The following MTHFD1L variants were observed in gnomAD, a reference collection of about 807,000 sequenced individuals.
MTHFD1L encodes monofunctional C1-tetrahydrofolate synthase, mitochondrial.
Under a neutral mutation model 119.5 loss-of-function variants are expected in MTHFD1L, and 81 were observed. The observed-to-expected ratio is 0.68, with a 90% CI of 0.57 to 0.82. MTHFD1L has a LOEUF of 0.82. Ranked by LOEUF, MTHFD1L falls within the 40% of genes least tolerant of loss-of-function variation. The probability of loss-of-function intolerance (pLI) is 0.00; values close to 1 mark genes in which losing one functional copy is unlikely to be tolerated. For missense variants in MTHFD1L, 1,125 were observed against 1,253.4 expected (o/e 0.90, Z 1.55); for synonymous variants, 430 against 475.2 (o/e 0.90, Z 1.24).
chr6:151,032,104 G>C (rs1490550491), intron 24 of MTHFD1L, among the ~76,000 whole-genome samples: 1 of 152,086 alleles, frequency 6.6e-6, no homozygotes, highest in Non-Finnish European at 1.5e-5. Flanking sequence ...CTCTTTCTTT[G>C]TTCTTTTGGT....
chr6:151,088,862 CT>C (rs1467535644), intron 26 of MTHFD1L, among the ~76,000 whole-genome samples: 1 of 152,160 alleles, frequency 6.6e-6, no homozygotes, highest in Non-Finnish European at 1.5e-5. Flanking sequence ...CGCACAAATC[CT>C]GCATCGCCTT....
Position 150,865,742 on chromosome 6 carries a change from GCCGCCTGCTCCCCTGGCACGCGCC to G in MTHFD1L, c.-75_-52del, listed in dbSNP as rs1778183455. 5 of 1,157,608 alleles carry G rather than the reference GCCGCCTGCTCCCCTGGCACGCGCC, an allele frequency of 4.3e-6. No individual in the cohort carries two copies. The highest frequency in any genetic ancestry group is 3.7e-4 in the Middle Eastern group (1 of 2,730). 71.7% of individuals were successfully genotyped at this position (1,157,608 alleles called of 1,614,324 possible). A position where few individuals can be genotyped will look rare whatever the true frequency, so the allele number is the denominator to read the frequency against. The stretch of plus-strand genomic sequence containing the variant: ...CCTTCCCGCCGCCGCCGCCGCCGCC[GCCGCCTGCTCCCCTGGCACGCGCC>G]CCGCCGCCCTCGGCAGCCGCAGCTC... On this transcript the variant is annotated 5_prime_UTR_variant, in exon 1 of 28. Transcript: ENST00000367321.
chr6:151,029,708 A>T (rs576611045), intron 24 of MTHFD1L, among the ~76,000 whole-genome samples: 4 of 152,296 alleles, frequency 2.6e-5, no homozygotes, highest in Admixed American at 6.5e-5. Context: ...AGGCAGGAGA[A>T]TCACTTGAAC....
At chr6:151,007,451 A>G (rs1314967445) in intron 20 of MTHFD1L, among the ~76,000 whole-genome samples, 1 of 152,188 alleles carries the variant, frequency 6.6e-6, no homozygotes, top group Non-Finnish European at 1.5e-5. Flanking sequence ...TTTTGGTTAC[A>G]AAGATGTGAA....
At chr6:151,046,316 G>GA (rs1199610004) in intron 26 of MTHFD1L, among the ~76,000 whole-genome samples, 12 of 150,682 alleles carry the variant, frequency 8.0e-5, no homozygotes, top group Non-Finnish European at 1.2e-4. Context: ...GTCAAGGAGG[G>GA]AAAAAAAGAA....
At chr6:151,046,502 T>C (rs1317707226) in intron 26 of MTHFD1L, among the ~76,000 whole-genome samples, 9 of 117,220 alleles carry the variant, frequency 7.7e-5, no homozygotes, top group African/African-American at 2.4e-4. Context: ...TATATATATA[T>C]ATATATATAT....
In MTHFD1L at chr6:151,034,586, C is replaced by T. The variant is rs377525704; in HGVS notation, c.2680C>T (p.Arg894Cys). ...TCCTGAGGCACAAGCCAAAATAGAT[C>T]GTTACACTCAACAGGTAAAAGTTCT... is the stretch of plus-strand genomic sequence containing the variant. The part of the protein sequence containing the change: ...LSPEAQAKID[R>C]YTQQGFGNLP... Residue 894 changes from arginine (R) to cysteine (C), a missense_variant, in exon 25 of 28, where the codon CGT (arginine) becomes TGT (cysteine). Arg to Cys is a radical substitution (Grantham distance 180). Coordinates refer to ENST00000367321, the MANE Select transcript of MTHFD1L (RefSeq NM_015440.5). The T allele has an allele frequency of 5.2e-5, 83 of 1,608,244 alleles. No individual in the cohort carries two copies. Among genetic ancestry groups the T allele is most frequent in the Middle Eastern group, 2.3e-4 (1 of 4,440 alleles).
At chr6:150,961,014 G>A (rs1473653055) in intron 18 of MTHFD1L, among the ~76,000 whole-genome samples, 1 of 151,048 alleles carries the variant, frequency 6.6e-6, no homozygotes, top group Admixed American at 6.6e-5. Context: ...TCCTTTTTTA[G>A]TGCTTTTTCT....
In MTHFD1L at chr6:151,014,991, C is replaced by T. The variant is rs778695043; in HGVS notation, c.2408+11C>T. ...TCTGAATGTCTTCAAGTAAGTCCAG[C>T]CTCCTCCTTTAAATGTGGGCATTAT... is the stretch of plus-strand genomic sequence containing the variant. On this transcript the variant is annotated intron_variant, in intron 23 of 27. Transcript: ENST00000367321. The T allele has an allele frequency of 1.9e-6, 3 of 1,609,468 alleles. No individual in the cohort carries two copies. Among genetic ancestry groups the T allele is most frequent in the South Asian group, 1.1e-5 (1 of 90,838 alleles).
At chr6:150,994,916 G>A (rs530187880) in intron 20 of MTHFD1L, among the ~76,000 whole-genome samples, 13 of 152,280 alleles carry the variant, frequency 8.5e-5, no homozygotes, top group Non-Finnish European at 1.5e-4. Context: ...ACCTTTCTCC[G>A]AGATTTGCAA....
intron 26 of MTHFD1L, among the ~76,000 whole-genome samples, chr6:151,062,445 C>G (rs968361437): frequency 6.6e-6 from 1 of 151,996 alleles, no homozygotes; most frequent in Non-Finnish European, 1.5e-5. Flanking sequence ...AAAAAAAAGA[C>G]CTTTTGCTCC....
At chr6:151,065,656 A>G (rs568761005) in intron 26 of MTHFD1L, among the ~76,000 whole-genome samples, 4 of 152,346 alleles carry the variant, frequency 2.6e-5, no homozygotes, top group East Asian at 3.9e-4. Context: ...CTCTCCCACC[A>G]TCTGCACAGC....
At chr6:151,099,435 G>A (rs1293466744) in intron 27 of MTHFD1L, 15 of 867,304 alleles carry the variant, frequency 1.7e-5, no homozygotes, top group Middle Eastern at 2.9e-4. Flanking sequence ...GAGGCTGGCC[G>A]TGTCTCTGAA....
intron 7 of MTHFD1L, chr6:150,898,760 A>C: frequency 3.1e-6 from 1 of 320,002 alleles, no homozygotes. Flanking sequence ...ACCACCCCCC[A>C]TCTACATACA....
chr6:150,935,561 A>G (rs1201511646), intron 11 of MTHFD1L: 4 of 1,485,970 alleles, frequency 2.7e-6, no homozygotes, highest in Non-Finnish European at 3.7e-6. Context: ...GAAAAAGAAA[A>G]GATGAATATC....
chr6:151,088,050 T>A (rs1353034570), intron 26 of MTHFD1L: 1 of 152,210 alleles, frequency 6.6e-6, no homozygotes, highest in Non-Finnish European at 1.5e-5. Context: ...CTGTCTGGGC[T>A]CCTTTTTCCC....
rs529786205 is a variant in MTHFD1L at position 151,016,600 on chromosome 6, CAT to C, written c.2586+908_2586+909del. ...CCTCCCAAAGTGCTGGGATTATAGG[CAT>C]GAGCCACCACACCTGGCCTCTGCTT... On this transcript the variant is annotated intron_variant, in intron 24 of 27. Coordinates refer to ENST00000367321, the MANE Select transcript of MTHFD1L (RefSeq NM_015440.5). 2.7e-3 allele frequency among the ~76,000 whole-genome samples: 405 copies of C among 151,948 alleles called. 3 individuals carry two copies. Among genetic ancestry groups the C allele is most frequent in the African/African-American group, 9.1e-3 (378 of 41,430 alleles).
intron 20 of MTHFD1L, among the ~76,000 whole-genome samples, chr6:150,995,283 G>A (rs931827360): frequency 6.6e-6 from 1 of 152,128 alleles, no homozygotes; most frequent in African/African-American, 2.4e-5. Context: ...GGGAGGCCGA[G>A]GCAGGCAGAT....
rs1781589591 is a variant in MTHFD1L at position 150,882,833 on chromosome 6, C to T, written c.489C>T (p.Asn163=). The T allele has an allele frequency of 1.3e-6, 2 of 1,579,486 alleles. No individual in the cohort carries two copies. The highest frequency in any genetic ancestry group is 2.3e-5 in the East Asian group (1 of 42,760). Residue 163 remains asparagine, a synonymous_variant, in exon 5 of 28, where the codon AAC becomes AAT. Coordinates refer to ENST00000367321, the MANE Select transcript of MTHFD1L (RefSeq NM_015440.5). ...GCCTTGCCCTTCAGATCTCTGAGAA[C>T]TTGTTTAGCAACAAAGTCCTCAATG... ...VHGLALQISE[N]LFSNKVLNAL... is the part of the protein sequence containing the mutation.
Sources: allele counts gnomAD v4.1 joint callset (sites outside exome capture counted in the v4.1 genomes callset), GRCh38; gene constraint gnomAD v4.1.1; transcripts MANE v1.5; gene names NCBI Gene and HGNC (gene_info 2026-07-23, HGNC 2026-07-21).